SLC9A4: variants seen among roughly 807,000 people sequenced by gnomAD.
The protein encoded by SLC9A4 is sodium/hydrogen exchanger 4.
A neutral mutation model predicts 67.4 loss-of-function variants in SLC9A4; 63 were observed. The ratio of observed to expected loss-of-function variants is 0.93; its 90% CI spans 0.76 to 1.15. The LOEUF is 1.15. Among genes scored for constraint, SLC9A4 ranks in the 50% most tolerant of loss-of-function variants. The pLI is 0.00. For synonymous variants in SLC9A4, 393 were observed against 367.2 expected, an observed-to-expected ratio of 1.07 and a Z score of -0.80; for missense variants, 1,089 against 987.7, an observed-to-expected ratio of 1.10 and a Z score of -1.38.
intron 9 of SLC9A4, among the ~76,000 whole-genome samples, chr2:102,520,625 T>C (rs892905480): frequency 1.3e-5 from 2 of 152,208 alleles, no homozygotes; most frequent in African/African-American, 4.8e-5. Flanking sequence ...TCATCCATTT[T>C]AATCCTAATA....
At chr2:102,498,169 T>G (rs1684850369) in intron 2 of SLC9A4, among the ~76,000 whole-genome samples, 1 of 152,242 alleles carries the variant, frequency 6.6e-6, no homozygotes, top group Non-Finnish European at 1.5e-5. Context: ...TTATTGTGAC[T>G]TGAAATGAAC....
chr2:102,486,095 C>A (rs137946140), intron 2 of SLC9A4, among the ~76,000 whole-genome samples: 2 of 152,162 alleles, frequency 1.3e-5, no homozygotes, highest in Admixed American at 6.5e-5. Flanking sequence ...CAAAAGGGAC[C>A]CTTACTCTAT....
intron 2 of SLC9A4, among the ~76,000 whole-genome samples, chr2:102,502,539 A>G (rs984766117): frequency 6.6e-6 from 1 of 152,222 alleles, no homozygotes. Context: ...CCTAGGGCTG[A>G]GGGAGGGCCC....
intron 6 of SLC9A4, among the ~76,000 whole-genome samples, chr2:102,511,228 T>A (rs1685157599): frequency 6.6e-6 from 1 of 152,332 alleles, no homozygotes; most frequent in Middle Eastern, 3.4e-3. Flanking sequence ...AATTTGGTTA[T>A]TTAAATTCCA....
intron 5 of SLC9A4, among the ~76,000 whole-genome samples, chr2:102,508,486 T>G (rs1685094447): frequency 6.6e-6 from 1 of 152,192 alleles, no homozygotes; most frequent in Admixed American, 6.5e-5. Flanking sequence ...AGCATATTTA[T>G]CAAAAGATTC....
Position 102,532,868 on chromosome 2 carries a change from C to T in SLC9A4, c.*180C>T. The T allele has an allele frequency of 3.4e-6, 2 of 585,220 alleles. No individual in the cohort carries two copies. The highest frequency in any genetic ancestry group is 2.9e-5 in the East Asian group (1 of 34,264). The allele number at this position is 585,220 out of a possible 1,614,324, so 36.3% of individuals were successfully genotyped here. A position where few individuals can be genotyped will look rare whatever the true frequency, so the allele number is the denominator to read the frequency against. On this transcript the variant is annotated 3_prime_UTR_variant, in exon 12 of 12. Coordinates refer to ENST00000295269, the MANE Select transcript of SLC9A4 (RefSeq NM_001011552.4). ...AGGACTGGGAGCAAACTTGCAGGCT[C>T]TGCCATGTACTTATTGTGGGGTACC...
At chr2:102,501,828 C>T (rs901834764) in intron 2 of SLC9A4, among the ~76,000 whole-genome samples, 1 of 151,582 alleles carries the variant, frequency 6.6e-6, no homozygotes, top group African/African-American at 2.4e-5. Context: ...TAAGTGTCTC[C>T]ATAAGGAAGA....
rs765012685 is a variant in SLC9A4 at position 102,526,358 on chromosome 2, A to G, written c.2038+12A>G. ...TGCTGGGTTCTCAGGTAAGCTGCCC[A>G]CCTGGCTGCTCTGCTGCTTTTCTGT... On this transcript the variant is annotated intron_variant, in intron 11 of 11. Transcript: ENST00000295269. 6.2e-7 allele frequency: 1 copy of G among 1,612,720 alleles called. No homozygotes were observed. Among genetic ancestry groups the G allele is most frequent in the South Asian group, 1.1e-5 (1 of 91,070 alleles).
intron 2 of SLC9A4, among the ~76,000 whole-genome samples, chr2:102,494,794 G>T (rs1684771996): frequency 6.6e-6 from 1 of 152,002 alleles, no homozygotes; most frequent in Non-Finnish European, 1.5e-5. Context: ...CCTAAAAATT[G>T]TACATGTATA....
chr2:102,479,324 C>T (rs1684408945), intron 2 of SLC9A4, 22 bp downstream of exon 2: 4 of 1,582,664 alleles, frequency 2.5e-6, no homozygotes, highest in African/African-American at 1.3e-5. Context: ...TGTGCCCGCC[C>T]GGCTTCCGGG....
At chr2:102,475,678 G>A (rs1466775604) in intron 1 of SLC9A4, among the ~76,000 whole-genome samples, 1 of 152,120 alleles carries the variant, frequency 6.6e-6, no homozygotes, top group African/African-American at 2.4e-5. Flanking sequence ...GCTTATTCGA[G>A]TACAATTTCA....
chr2:102,504,396 C>T (rs1353494583), intron 3 of SLC9A4, among the ~76,000 whole-genome samples: 1 of 152,184 alleles, frequency 6.6e-6, no homozygotes, highest in African/African-American at 2.4e-5. Context: ...CTGTGCCCCT[C>T]AAACCACATC....
chr2:102,527,367 G>A (rs979450935), intron 11 of SLC9A4, among the ~76,000 whole-genome samples: 50 of 152,132 alleles, frequency 3.3e-4, no homozygotes, highest in Admixed American at 1.3e-4. Context: ...CTGAACAAAT[G>A]TTGTACCTAG....
At chr2:102,499,690 A>G (rs186430011) in intron 2 of SLC9A4, among the ~76,000 whole-genome samples, 6 of 152,180 alleles carry the variant, frequency 3.9e-5, no homozygotes, top group African/African-American at 1.4e-4. Flanking sequence ...CAGAAAATAC[A>G]CTAGAAACTT....
rs562089774 is a variant in SLC9A4, at chr2:102,499,117, T to C, written c.721-4331T>C. 5.3e-5 allele frequency among the ~76,000 whole-genome samples: 8 copies of C among 152,296 alleles called. No individual in the cohort carries two copies. The East Asian group carries it at 1.5e-3, about 29-fold the overall frequency. On this transcript the variant is annotated intron_variant, in intron 2 of 11. Coordinates refer to ENST00000295269, the MANE Select transcript of SLC9A4 (RefSeq NM_001011552.4). ...TCAGGAACCCACAGGCTGAAACACG[T>C]ATCCAAGGAGTCCTTTGCCTTCCAG... is the stretch of plus-strand genomic sequence containing the variant.
chr2:102,523,456 G>T (rs1246102906), intron 9 of SLC9A4, among the ~76,000 whole-genome samples: 2 of 152,290 alleles, frequency 1.3e-5, no homozygotes, highest in East Asian at 3.9e-4. Context: ...TTGTTGACTT[G>T]ACCGTCTCAT....
intron 5 of SLC9A4, 93 bp from the exon 6 acceptor site, chr2:102,508,754 T>C (rs964927075): frequency 1.1e-6 from 1 of 910,202 alleles, no homozygotes; most frequent in Non-Finnish European, 1.7e-6. Context: ...AACATATAGA[T>C]TGGACATTCT....
At chr2:102,474,217 A>G (rs993458060) in intron 1 of SLC9A4, among the ~76,000 whole-genome samples, 1 of 152,182 alleles carries the variant, frequency 6.6e-6, no homozygotes, top group African/African-American at 2.4e-5. Context: ...TTGAAATTTG[A>G]GAGCATACTT....
chr2:102,511,197 C>G (rs566974855), intron 6 of SLC9A4, among the ~76,000 whole-genome samples: 18 of 152,286 alleles, frequency 1.2e-4, no homozygotes, highest in Admixed American at 7.8e-4. Context: ...CCCTAAAGTT[C>G]ATGGTCAAAG....
Sources: gnomAD v4.1 joint callset for allele counts (sites outside exome capture counted in the v4.1 genomes callset) on GRCh38, gnomAD v4.1.1 for gene constraint, MANE v1.5 for transcripts, NCBI Gene and HGNC (gene_info 2026-07-23, HGNC 2026-07-21) for gene names.